The following XRCC1 variants were observed in gnomAD, a reference collection of about 807,000 sequenced individuals.
The protein encoded by XRCC1 is X-ray repair cross complementing 1.
XRCC1 carries 52 observed loss-of-function variants against 83.3 expected under a neutral mutation model. The ratio of observed to expected loss-of-function variants is 0.62; its 90% CI spans 0.50 to 0.79. The LOEUF is 0.79. XRCC1 is among the 30% of genes least tolerant of loss of function. The pLI is 0.00. For synonymous variants in XRCC1, 281 were observed against 312.6 expected, an observed-to-expected ratio of 0.90 and a Z score of 1.07; for missense variants, 793 against 823.5, an observed-to-expected ratio of 0.96 and a Z score of 0.45.
In XRCC1 at chr19:43,552,852, C is replaced by T. The variant is rs1401622215; in HGVS notation, c.768G>A (p.Lys256=). The change falls in exon 8 of 17, where the codon AAG becomes AAA. Residue 256 remains lysine (K), a synonymous_variant. Coordinates refer to ENST00000262887, the MANE Select transcript of XRCC1 (RefSeq NM_006297.3). ...GCTGGGCTGGTGGTTTGCTGGGGGTCTTCTTTTCTTCTTGGTTCAAATCCA... is the reference window on the plus strand; with the variant it reads ...GCTGGGCTGGTGGTTTGCTGGGGGTTTTCTTTTCTTCTTGGTTCAAATCCA... The part of the protein sequence containing the change: ...RKLDLNQEEK[K]TPSKPPAQLS... The T allele has an allele frequency of 1.2e-6, 2 of 1,613,490 alleles. No individual in the cohort carries two copies. Among genetic ancestry groups the T allele is most frequent in the East Asian group, 4.5e-5 (2 of 44,874 alleles).
chr19:43,574,278 AT>A (rs1469601397), intron 2 of XRCC1, among the ~76,000 whole-genome samples: 2 of 151,910 alleles, frequency 1.3e-5, no homozygotes, highest in African/African-American at 2.4e-5. Context: ...ATCTTACTGT[AT>A]TGCCCAGGCT....
At chr19:43,557,063 C>T (rs1972643983) in intron 3 of XRCC1, among the ~76,000 whole-genome samples, 1 of 152,040 alleles carries the variant, frequency 6.6e-6, no homozygotes, top group Admixed American at 6.6e-5. Context: ...AATCCCAGCA[C>T]TTTGGGAGGC....
chr19:43,553,897 C>A lies in XRCC1; in HGVS notation c.415-214G>T, dbSNP rs567490986. 5 of 483,772 alleles carry A rather than the reference C, an allele frequency of 1.0e-5. No individual in the cohort carries two copies. In the East Asian group the frequency reaches 1.5e-4, roughly 14 times the overall value. 30.0% of individuals were successfully genotyped at this position (483,772 alleles called of 1,614,324 possible). ...AGTCTGGCTCCAAGCCCTTTTCACG[C>A]ATTAGCTCTTTGGGCAATTGGCAGA... On this transcript the variant is annotated intron_variant, in intron 4 of 16. Transcript: ENST00000262887.
chr19:43,546,011 C>G (rs1033346756), intron 13 of XRCC1, 41 bp downstream of exon 13: 3 of 1,613,642 alleles, frequency 1.9e-6, no homozygotes, highest in African/African-American at 2.7e-5. Context: ...CTCCCCTACA[C>G]CCAAGGCCAG....
chr19:43,553,679 G>T lies in XRCC1; in HGVS notation c.419C>A (p.Ser140Tyr). Residue 140 changes from serine to tyrosine, a missense_variant, in exon 5 of 17, where the codon TCC becomes TAC. Ser to Tyr is a moderately radical substitution (Grantham distance 144). Coordinates refer to ENST00000262887, the MANE Select transcript of XRCC1 (RefSeq NM_006297.3). ...IVCSQPYSKDSPFGLSFVRFH... is the reference protein window; with the variant it reads ...IVCSQPYSKDYPFGLSFVRFH... Reference sequence around the variant, plus strand: ...CCGTACAAAACTCAAGCCAAAGGGGGAGTCCTGGGAAAGGAGGGGTGGGAG... The same window carrying T: ...CCGTACAAAACTCAAGCCAAAGGGGTAGTCCTGGGAAAGGAGGGGTGGGAG... The T allele has an allele frequency of 6.5e-7, 1 of 1,535,704 alleles. No homozygotes were observed. The highest frequency in any genetic ancestry group is 2.0e-5 in the Admixed American group (1 of 51,086).
chr19:43,543,469 G>T lies in XRCC1; in HGVS notation c.1825C>A (p.Pro609Thr). The T allele has an allele frequency of 6.2e-7, 1 of 1,613,736 alleles. No homozygotes were observed. Among genetic ancestry groups the T allele is most frequent in the Non-Finnish European group, 8.5e-7 (1 of 1,179,976 alleles). ...TCATTGCAACTGTAGATCCATCGGG[G>T]ACGAACGAATGCCAGGGAGGGGTTG... ...MDNPSLAFVR[P>T]RWIYSCNEKQ... The change falls in exon 17 of 17, where the codon CCC becomes ACC. Residue 609 changes from proline to threonine, a missense_variant. Physicochemically the swap from Pro to Thr is conservative, Grantham distance 38 (BLOSUM62 -1). Transcript: ENST00000262887.
rs752264977 is a variant in XRCC1 at position 43,551,579 on chromosome 19, G to C, written c.1191C>G (p.Pro397=). ...GGCGTGTGAGGCCTTACCTCTGGGAGGGCAGCCGCCGACGCATGCGGTGAC... is the reference window on the plus strand; with the variant it reads ...GGCGTGTGAGGCCTTACCTCTGGGACGGCAGCCGCCGACGCATGCGGTGAC... ...LDCHRMRRRL[P]SQRYLMAGPG... is the part of the protein sequence containing the mutation. The change falls in exon 10 of 17, where the codon CCC becomes CCG. Residue 397 remains proline (P), a synonymous_variant. Transcript: ENST00000262887. 1.1e-5 allele frequency: 18 copies of C among 1,613,980 alleles called. No individual in the cohort carries two copies. The highest frequency in any genetic ancestry group is 1.5e-5 in the Non-Finnish European group (18 of 1,179,872).
At position 43,552,063 on chromosome 19, in the gene XRCC1, C is replaced by T; in HGVS notation, c.1036G>A (p.Gly346Arg). The stretch of plus-strand genomic sequence containing the variant: ...GTCCAGTCTGGCCGATACTTGGCCC[C>T]AAGCTCTAGGGCCTTATCTCGCAGC... The part of the protein sequence containing the change: ...SELRDKALEL[G>R]AKYRPDWTRD... Residue 346 changes from glycine (G) to arginine (R), a missense_variant, in exon 9 of 17, where the codon GGG (glycine) becomes AGG (arginine). By Grantham distance (125) the Gly-to-Arg change is moderately radical. Transcript: ENST00000262887. 6.2e-7 allele frequency: 1 copy of T among 1,614,082 alleles called. No homozygotes were observed. The highest frequency in any genetic ancestry group is 8.5e-7 in the Non-Finnish European group (1 of 1,179,976).
Position 43,546,803 on chromosome 19 carries a change from G to C in XRCC1, c.1294-76C>G, listed in dbSNP as rs1972515588. Reference sequence around the variant, plus strand: ...TTGGGGGGGTACCTGCAAGAGGCAAGAGTGGGAAGTTTGGGGTGCCACAGC... The same window carrying C: ...TTGGGGGGGTACCTGCAAGAGGCAACAGTGGGAAGTTTGGGGTGCCACAGC... On this transcript the variant is annotated intron_variant, in intron 11 of 16. Coordinates refer to ENST00000262887, the MANE Select transcript of XRCC1 (RefSeq NM_006297.3). The C allele has an allele frequency of 2.5e-6, 4 of 1,597,080 alleles. No homozygotes were observed. In the Admixed American group the frequency reaches 6.7e-5, roughly 27 times the overall value.
At position 43,546,983 on chromosome 19, in the gene XRCC1, G is replaced by A. The variant is rs759747873; in HGVS notation, c.1200-6C>T. On this transcript the variant is annotated splice_polypyrimidine_tract_variant and splice_region_variant and intron_variant, in intron 10 of 16. Coordinates refer to ENST00000262887, the MANE Select transcript of XRCC1 (RefSeq NM_006297.3). ...CTGGCCCTGCCATGAGGTACCTAGGGGACAAATCGGGCCTCAGACAAACAG... is the reference window on the plus strand; with the variant it reads ...CTGGCCCTGCCATGAGGTACCTAGGAGACAAATCGGGCCTCAGACAAACAG... The A allele has an allele frequency of 2.5e-6, 4 of 1,613,218 alleles. No individual in the cohort carries two copies. In the Admixed American group the frequency reaches 5.0e-5, roughly 20 times the overall value.
chr19:43,552,409 C>T (rs1376947555), intron 8 of XRCC1, 134 bp from the exon 9 acceptor site: 1 of 693,032 alleles, frequency 1.4e-6, no homozygotes, highest in Non-Finnish European at 2.4e-6. Flanking sequence ...AGCCCCTCCC[C>T]CCTCAGACCC....
At chr19:43,553,117 G>A in intron 6 of XRCC1, 26 bp from the exon 7 acceptor site, 1 of 1,549,794 alleles carries the variant, frequency 6.5e-7, no homozygotes, top group Non-Finnish European at 8.7e-7. Flanking sequence ...GTGGATCCAG[G>A]ATGAGAGGGC....
At chr19:43,559,007 G>A (rs925449034) in intron 3 of XRCC1, among the ~76,000 whole-genome samples, 1 of 151,918 alleles carries the variant, frequency 6.6e-6, no homozygotes, top group African/African-American at 2.4e-5. Context: ...CGGGTATGGC[G>A]GCTCACACCT....
At chr19:43,548,632 C>T (rs1453270926) in intron 10 of XRCC1, among the ~76,000 whole-genome samples, 2 of 152,192 alleles carry the variant, frequency 1.3e-5, no homozygotes, top group Non-Finnish European at 2.9e-5. Flanking sequence ...GACACAAACA[C>T]TGCGGAAGGC....
rs146426015 is a variant in XRCC1 at position 43,553,459 on chromosome 19, G to A, written c.543C>T (p.Ser181=). The A allele has an allele frequency of 4.3e-5, 69 of 1,613,998 alleles. No individual in the cohort carries two copies. The highest frequency in any genetic ancestry group is 1.3e-4 in the African/African-American group (10 of 74,900). The change falls in exon 6 of 17, where the codon AGC becomes AGT. Residue 181 remains serine (S), a synonymous_variant. Transcript: ENST00000262887. ...GQFRVKEEDE[S]ANSLRPGALF... is the part of the protein sequence containing the mutation. Reference sequence around the variant, plus strand: ...GAGCCCCCGGCCTCAGAGAGTTGGCGCTCTCATCCTCCTCCTTCACACGGA... The same window carrying A: ...GAGCCCCCGGCCTCAGAGAGTTGGCACTCTCATCCTCCTCCTTCACACGGA...
intron 2 of XRCC1, among the ~76,000 whole-genome samples, chr19:43,569,769 G>A (rs1028541761): frequency 6.6e-6 from 1 of 151,226 alleles, no homozygotes; most frequent in South Asian, 2.1e-4. Context: ...ACAACAAGAC[G>A]AAACTCCGTC....
Position 43,546,902 on chromosome 19 carries a change from G to A in XRCC1, c.1275C>T (p.Ala425=), listed in dbSNP as rs1278898548. The change falls in exon 11 of 17, where the codon GCC becomes GCT. Residue 425 remains alanine, a synonymous_variant. Coordinates refer to ENST00000262887, the MANE Select transcript of XRCC1 (RefSeq NM_006297.3). The part of the protein sequence containing the change: ...ASHSGGSGDE[A]PKLPQKQPQT... ...ATCAGACCTTCTGAGGAAGCTTGGG[G>A]GCTTCATCTCCGCTGCCACCGCTGT... The A allele has an allele frequency of 6.2e-7, 1 of 1,613,856 alleles. No homozygotes were observed. Among genetic ancestry groups the A allele is most frequent in the Non-Finnish European group, 8.5e-7 (1 of 1,180,014 alleles).
chr19:43,548,112 GGGGTCAGCCCCCGCCC>G (rs1357023663), intron 10 of XRCC1, among the ~76,000 whole-genome samples: 32 of 150,034 alleles, frequency 2.1e-4, no homozygotes, highest in African/African-American at 4.4e-4. Context: ...GGGAGGTGGG[GGGGTCAGCCCCCGCCC>G]GGCCAGCCGC....
intron 10 of XRCC1, among the ~76,000 whole-genome samples, 174 bp downstream of exon 10, chr19:43,551,397 C>T (rs979472890): frequency 6.6e-6 from 1 of 152,200 alleles, no homozygotes; most frequent in Non-Finnish European, 1.5e-5. Flanking sequence ...CAGGCAGGTC[C>T]TCCTTCCCTC....
Sources: allele counts gnomAD v4.1 joint callset (sites outside exome capture counted in the v4.1 genomes callset), GRCh38; gene constraint gnomAD v4.1.1; transcripts MANE v1.5; gene names NCBI Gene and HGNC (gene_info 2026-07-23, HGNC 2026-07-21).